RHEB: variants seen among roughly 807,000 people sequenced by gnomAD.
RHEB encodes GTP-binding protein Rheb.
RHEB carries 2 observed loss-of-function variants against 28.8 expected under a neutral mutation model. The ratio of observed to expected loss-of-function variants is 0.07; its 90% CI spans 0.03 to 0.22. The LOEUF is 0.22. Ranked by LOEUF, RHEB falls within the 10% of genes least tolerant of loss-of-function variation. RHEB has a pLI of 1.00. For missense variants in RHEB, 76 were observed against 219.9 expected (o/e 0.35, Z 4.14); for synonymous variants, 69 against 77.3 (o/e 0.89, Z 0.56).
chr7:151,473,775 CAT>C (rs1802210068), intron 4 of RHEB, among the ~76,000 whole-genome samples: 1 of 152,184 alleles, frequency 6.6e-6, no homozygotes, highest in South Asian at 2.1e-4. Context: ...TTAAATTCAT[CAT>C]AGTCATAATT....
At chr7:151,517,955 C>A (rs1422261305) in intron 1 of RHEB, 2 of 152,200 alleles carry the variant, frequency 1.3e-5, no homozygotes, top group African/African-American at 4.8e-5. Context: ...CCTCAAAATG[C>A]AGAGGAGGAA....
In RHEB at chr7:151,502,421, CA is replaced by C. The variant is rs138087086; in HGVS notation, c.53-11408del. ...CCTGGGAGCCATTACATCTATACAA[CA>C]AAGGCTCAAACTTTATAACAAAGTA... On this transcript the variant is annotated intron_variant, in intron 1 of 7. Transcript: ENST00000262187. 3,014 of 809,026 alleles carry C rather than the reference CA, an allele frequency of 3.7e-3. 52 individuals carry two copies. The African/African-American group carries it at 0.042, about 11-fold the overall frequency. The allele number at this position is 809,026 out of a possible 1,614,324, so 50.1% of individuals were successfully genotyped here. A position where few individuals can be genotyped will look rare whatever the true frequency, so the allele number is the denominator to read the frequency against.
rs1283785297 is a variant in RHEB, at chr7:151,508,226, C to G, written c.52+11234G>C. ...ACATGAAATTTAAGAATGATCAAAA[C>G]TAGTAATAACACAGTATGAGGAAAA... On this transcript the variant is annotated intron_variant, in intron 1 of 7. Coordinates refer to ENST00000262187, the MANE Select transcript of RHEB (RefSeq NM_005614.4). 2.0e-5 allele frequency among the ~76,000 whole-genome samples: 3 copies of G among 152,118 alleles called. No individual in the cohort carries two copies. In the South Asian group the frequency reaches 6.2e-4, roughly 32 times the overall value.
At chr7:151,474,334 C>G (rs909853493) in intron 4 of RHEB, among the ~76,000 whole-genome samples, 4 of 152,234 alleles carry the variant, frequency 2.6e-5, no homozygotes, top group Admixed American at 6.5e-5. Context: ...GCACCCGCCA[C>G]CACACCCGGG....
In RHEB at chr7:151,472,853, T is replaced by TA. The variant is rs1348026138; in HGVS notation, c.276-1249dup. On this transcript the variant is annotated intron_variant, in intron 4 of 7. Coordinates refer to ENST00000262187, the MANE Select transcript of RHEB (RefSeq NM_005614.4). This position sits in a 1 kb window ranked among gnomAD's most constrained non-coding sequence, Gnocchi z 5.2. Reference sequence around the variant, plus strand: ...AAACAAAAATGAAATTTAACCCCCCTACAAGCTCGCTGTGGGTCAACAAAT... The same window carrying TA: ...AAACAAAAATGAAATTTAACCCCCCTAACAAGCTCGCTGTGGGTCAACAAAT... 1.3e-5 allele frequency among the ~76,000 whole-genome samples: 2 copies of TA among 152,234 alleles called. No individual in the cohort carries two copies. Among genetic ancestry groups the TA allele is most frequent in the Non-Finnish European group, 2.9e-5 (2 of 68,038 alleles).
intron 1 of RHEB, chr7:151,503,580 T>C (rs903707504): frequency 1.4e-5 from 7 of 515,606 alleles, no homozygotes; most frequent in African/African-American, 3.9e-5. Flanking sequence ...ACTTTATCCA[T>C]GAGTACTGGT....
intron 1 of RHEB, among the ~76,000 whole-genome samples, chr7:151,497,593 A>G (rs1802695863): frequency 6.6e-6 from 1 of 152,224 alleles, no homozygotes; most frequent in Admixed American, 6.5e-5. Context: ...CTTCTGAGCT[A>G]TGAGGACGGC....
At chr7:151,499,808 T>C (rs1201206381) in intron 1 of RHEB, among the ~76,000 whole-genome samples, 1 of 152,228 alleles carries the variant, frequency 6.6e-6, no homozygotes, top group African/African-American at 2.4e-5. Flanking sequence ...TCCTCCACTT[T>C]GGAAGTGTCT....
intron 3 of RHEB, among the ~76,000 whole-genome samples, chr7:151,482,159 A>G (rs1234374273): frequency 1.3e-5 from 2 of 152,392 alleles, no homozygotes; most frequent in East Asian, 3.9e-4. Flanking sequence ...GAAAGAGCAC[A>G]GCCTCTTTAA....
chr7:151,503,942 T>C (rs1314791402), intron 1 of RHEB, among the ~76,000 whole-genome samples: 1 of 152,218 alleles, frequency 6.6e-6, no homozygotes, highest in Non-Finnish European at 1.5e-5. Flanking sequence ...CAGCTTAGAC[T>C]GCATAAGAAA....
intron 2 of RHEB, among the ~76,000 whole-genome samples, chr7:151,486,663 G>A (rs1378165910): frequency 1.3e-5 from 2 of 152,202 alleles, no homozygotes; most frequent in Non-Finnish European, 2.9e-5. Context: ...GATCACTCTG[G>A]CTACGCTGTA....
chr7:151,488,331 T>C (rs1223023016), intron 2 of RHEB, among the ~76,000 whole-genome samples: 1 of 152,234 alleles, frequency 6.6e-6, no homozygotes, highest in Non-Finnish European at 1.5e-5. Flanking sequence ...TTGCTCACCA[T>C]GACACTTCAC....
At chr7:151,480,204 G>A (rs1045947583) in intron 3 of RHEB, among the ~76,000 whole-genome samples, 2 of 152,056 alleles carry the variant, frequency 1.3e-5, no homozygotes, top group African/African-American at 2.4e-5. Context: ...CTAAAACAAC[G>A]TCCGGGATGT....
chr7:151,518,312 G>A (rs1181415921), intron 1 of RHEB, among the ~76,000 whole-genome samples: 1 of 152,120 alleles, frequency 6.6e-6, no homozygotes, highest in Non-Finnish European at 1.5e-5. Flanking sequence ...GGTGGAAAGC[G>A]CAGTTGGGGA....
At chr7:151,508,820 T>C (rs916920583) in intron 1 of RHEB, among the ~76,000 whole-genome samples, 2 of 152,056 alleles carry the variant, frequency 1.3e-5, no homozygotes, top group Non-Finnish European at 2.9e-5. Flanking sequence ...GGCTGCTCTG[T>C]ACCCTTGTTT....
intron 1 of RHEB, among the ~76,000 whole-genome samples, chr7:151,513,966 A>G (rs891773058): frequency 1.2e-4 from 19 of 152,212 alleles, no homozygotes; most frequent in Non-Finnish European, 2.1e-4. Flanking sequence ...TTCAGAAATA[A>G]TAAAGTTAGA....
At chr7:151,515,282 C>T (rs1379126310) in intron 1 of RHEB, among the ~76,000 whole-genome samples, 1 of 152,120 alleles carries the variant, frequency 6.6e-6, no homozygotes, top group East Asian at 1.9e-4. Context: ...TATGAAATGT[C>T]CAGAGTAAGT....
chr7:151,503,524 G>T, intron 1 of RHEB: 1 of 732,592 alleles, frequency 1.4e-6, no homozygotes. Context: ...CATACCCATG[G>T]TGGAATTCTA....
At chr7:151,487,354 C>T (rs551644678) in intron 2 of RHEB, among the ~76,000 whole-genome samples, 28 of 152,034 alleles carry the variant, frequency 1.8e-4, no homozygotes, top group African/African-American at 5.8e-4. Context: ...GGAGAGGTTG[C>T]GGCTGAGAAT....
Sources: allele counts gnomAD v4.1 joint callset (sites outside exome capture counted in the v4.1 genomes callset), GRCh38; gene constraint gnomAD v4.1.1; non-coding constraint Gnocchi (gnomAD v3.1); transcripts MANE v1.5; gene names NCBI Gene and HGNC (gene_info 2026-07-23, HGNC 2026-07-21).